Variants in INPPL1 observed in about 807,000 individuals in gnomAD.
INPPL1 encodes the protein phosphatidylinositol 3,4,5-trisphosphate 5-phosphatase 2.
INPPL1 carries 91 observed loss-of-function variants against 139.3 expected under a neutral mutation model. The observed-to-expected ratio is 0.65, with a 90% confidence interval of 0.55 to 0.78. The LOEUF (loss-of-function observed/expected upper bound fraction) is 0.78, where lower values mean the gene tolerates loss of function less well. Among genes scored for constraint, INPPL1 ranks in the 30% least tolerant of loss-of-function variants. The pLI, the probability that INPPL1 is intolerant of heterozygous loss-of-function variation, is 0.00. For synonymous variants in INPPL1, 719 were observed against 686.6 expected, an observed-to-expected ratio of 1.05 and a Z score of -0.74; for missense variants, 1,411 against 1,665.6, an observed-to-expected ratio of 0.85 and a Z score of 2.66.
chr11:72,233,379 G>C, intron 17 of INPPL1, 62 bp from the exon 18 acceptor site: 1 of 1,416,258 alleles, frequency 7.1e-7, no homozygotes, highest in Non-Finnish European at 1.0e-6. Context: ...CTCTGGAGTG[G>C]GGTCCATGCC....
chr11:72,223,815 C>G (rs1220048334), upstream of INPPL1: 1 of 150,116 alleles, frequency 6.7e-6, no homozygotes, highest in African/African-American at 2.4e-5. Context: ...TGAGGCGAGG[C>G]GCGGTGCTGC....
chr11:72,228,483 G>A lies in INPPL1; in HGVS notation c.382G>A (p.Asp128Asn), dbSNP rs1204286990. Residue 128 changes from aspartate (D) to asparagine (N), a missense_variant, in exon 3 of 28, where the codon GAC becomes AAC. Around this residue, in one of 5 missense-constraint regions of INPPL1, gnomAD observed 504 missense variants for 595.6 expected, o/e 0.85. Coordinates refer to ENST00000298229, the MANE Select transcript of INPPL1 (RefSeq NM_001567.4). The surrounding 1 kb of genome is among the most constrained non-coding windows in gnomAD (Gnocchi z 5.0). ...TGAGCGAGAGCCGGACCCACCGGAT[G>A]ACCGGGATGCCTCAGGTACTTCCCA... ...EGEREPDPPD[D>N]RDASDGEDEK... The A allele has an allele frequency of 3.7e-6, 6 of 1,607,680 alleles. No individual in the cohort carries two copies. The highest frequency in any genetic ancestry group is 4.2e-6 in the Non-Finnish European group (5 of 1,179,970).
In INPPL1 at chr11:72,229,938, A is replaced by T. The variant is rs898023932; in HGVS notation, c.858A>T (p.Leu286=). 4 of 1,613,906 alleles carry T rather than the reference A, an allele frequency of 2.5e-6. No individual in the cohort carries two copies. Among genetic ancestry groups the T allele is most frequent in the Non-Finnish European group, 2.5e-6 (3 of 1,179,988 alleles). The stretch of plus-strand genomic sequence containing the variant: ...GTTCCCTCCAGGCCCTGAAGGCCCT[A>T]CAGGACATGAGCTCCACAGCACCCC... The part of the protein sequence containing the change: ...SGIQKKALKA[L]QDMSSTAPPA... The change falls in exon 8 of 28, where the codon CTA becomes CTT. Residue 286 remains leucine (L), a synonymous_variant. Coordinates refer to ENST00000298229, the MANE Select transcript of INPPL1 (RefSeq NM_001567.4).
In INPPL1 at chr11:72,228,152, C is replaced by T. The variant is rs376142455; in HGVS notation, c.183-38C>T. On this transcript the variant is annotated intron_variant, in intron 1 of 27. Coordinates refer to ENST00000298229, the MANE Select transcript of INPPL1 (RefSeq NM_001567.4). This position sits in a 1 kb window ranked among gnomAD's most constrained non-coding sequence, Gnocchi z 5.0. ...GGGTGCTTTGGGTCTTAGACCCCAG[C>T]CTGGGGGTGACAGATTCTGGCCCTG... 22 of 1,610,570 alleles carry T rather than the reference C, an allele frequency of 1.4e-5. No homozygotes were observed. Among genetic ancestry groups the T allele is most frequent in the Admixed American group, 6.7e-5 (4 of 60,016 alleles).
rs778129558 is a variant in INPPL1, at chr11:72,232,248, G to A, written c.1624G>A (p.Gly542Arg). Residue 542 changes from glycine (G) to arginine (R), a missense_variant, in exon 14 of 28, where the codon GGG (glycine) becomes AGG (arginine). This residue lies in a region of INPPL1 where 363 missense variants were observed against 446.2 expected (regional missense o/e 0.81). Coordinates refer to ENST00000298229, the MANE Select transcript of INPPL1 (RefSeq NM_001567.4). ...TGIANTLGNK[G>R]AVGVSFMFNG... is the part of the protein sequence containing the mutation. ...CTTGCTTGCCTTAACAGGGAACAAG[G>A]GGGCTGTGGGCGTCTCCTTCATGTT... 6.4e-7 allele frequency: 1 copy of A among 1,555,208 alleles called. No individual in the cohort carries two copies. Among genetic ancestry groups the A allele is most frequent in the South Asian group, 1.2e-5 (1 of 84,244 alleles).
chr11:72,229,667 T>C lies in INPPL1; in HGVS notation c.758T>C (p.Leu253Pro). The C allele has an allele frequency of 6.2e-7, 1 of 1,614,058 alleles. No individual in the cohort carries two copies. The highest frequency in any genetic ancestry group is 8.5e-7 in the Non-Finnish European group (1 of 1,179,976). ...CCTGGTTCTTCCTCCCCCCAGAACCTGCCACAGACAGGGGAGCAGGAACTA... is the reference window on the plus strand; with the variant it reads ...CCTGGTTCTTCCTCCCCCCAGAACCCGCCACAGACAGGGGAGCAGGAACTA... ...MVTRLLQQQN[L>P]PQTGEQELES... The change falls in exon 7 of 28, where the codon CTG becomes CCG. Residue 253 changes from leucine to proline, a missense_variant. Coordinates refer to ENST00000298229, the MANE Select transcript of INPPL1 (RefSeq NM_001567.4).
intron 25 of INPPL1, 132 bp from the exon 26 acceptor site, chr11:72,236,992 T>C (rs1949004421): frequency 1.4e-6 from 1 of 712,068 alleles, no homozygotes; most frequent in African/African-American, 1.8e-5. Context: ...GGGCAGGTGA[T>C]GTGCTCAAGG....
rs1375254938 is a variant in INPPL1 at position 72,235,887 on chromosome 11, C to T, written c.2780C>T (p.Pro927Leu). 5.6e-6 allele frequency: 9 copies of T among 1,613,332 alleles called. No homozygotes were observed. Among genetic ancestry groups the T allele is most frequent in the East Asian group, 2.2e-5 (1 of 44,886 alleles). Residue 927 changes from proline (P) to leucine (L), a missense_variant, in exon 25 of 28, where the codon CCG becomes CTG. Coordinates refer to ENST00000298229, the MANE Select transcript of INPPL1 (RefSeq NM_001567.4). The surrounding 1 kb of genome is among the most constrained non-coding windows in gnomAD (Gnocchi z 4.9). ...CCAGCCTTCACAGAGGCCTCCTGCC[C>T]GCTCTCCAGGTTATTTGAAGAACCA... ...RKPAFTEASC[P>L]LSRLFEEPEK...
Position 72,225,169 on chromosome 11 carries a change from G to GA in INPPL1, c.182+4dup. The GA allele has an allele frequency of 8.1e-7, 1 of 1,230,602 alleles. No individual in the cohort carries two copies. The highest frequency in any genetic ancestry group is 1.0e-6 in the Non-Finnish European group (1 of 986,834). The allele number at this position is 1,230,602 out of a possible 1,614,324, so 76.2% of individuals were successfully genotyped here. ...GGGGCCTTCGCGCTCTGCGTCCTGTGAGTGGGGCGGGGGCTCCTTGCGGGC... is the reference window on the plus strand; with the variant it reads ...GGGGCCTTCGCGCTCTGCGTCCTGTGAAGTGGGGCGGGGGCTCCTTGCGGGC... On this transcript the variant is annotated splice_donor_region_variant and intron_variant, in intron 1 of 27. Coordinates refer to ENST00000298229, the MANE Select transcript of INPPL1 (RefSeq NM_001567.4).
Position 72,229,645 on chromosome 11 carries a change from G to C in INPPL1, c.754-18G>C. 1 of 1,613,584 alleles carries C rather than the reference G, an allele frequency of 6.2e-7. No individual in the cohort carries two copies. Among genetic ancestry groups the C allele is most frequent in the Middle Eastern group, 1.7e-4 (1 of 6,060 alleles). On this transcript the variant is annotated intron_variant, in intron 6 of 27. Coordinates refer to ENST00000298229, the MANE Select transcript of INPPL1 (RefSeq NM_001567.4). ...GCTTAGGTGACTCATGTACAAGCCT[G>C]GTTCTTCCTCCCCCCAGAACCTGCC...
chr11:72,227,073 A>G (rs1479886900), intron 1 of INPPL1, among the ~76,000 whole-genome samples: 1 of 152,160 alleles, frequency 6.6e-6, no homozygotes, highest in Non-Finnish European at 1.5e-5. Flanking sequence ...CCAAATACAC[A>G]CATACTTGCT....
At position 72,233,163 on chromosome 11, in the gene INPPL1, G is replaced by C. The variant is rs1268333785; in HGVS notation, c.2040G>C (p.Gly680=). ...CCTGGCACAAGCAGAAGCCAACTGG[G>C]GTGAGCCAAGAAAACGGCATGGGCC... is the stretch of plus-strand genomic sequence containing the variant. The part of the protein sequence containing the change: ...TYAWHKQKPT[G]VRTNVPSWCD... Residue 680 remains glycine, a splice_region_variant and synonymous_variant, in exon 17 of 28, where the codon GGG becomes GGC. Transcript: ENST00000298229. 2 of 1,613,286 alleles carry C rather than the reference G, an allele frequency of 1.2e-6. No individual in the cohort carries two copies. The highest frequency in any genetic ancestry group is 1.1e-5 in the South Asian group (1 of 91,010).
At chr11:72,233,014 A>G (rs1948879032) in intron 16 of INPPL1, 40 bp downstream of exon 16, 2 of 1,610,574 alleles carry the variant, frequency 1.2e-6, no homozygotes, top group East Asian at 4.5e-5. Flanking sequence ...GAGGGCTAGG[A>G]GACTTGCAGT....
rs1948728044 is a variant in INPPL1, at chr11:72,228,221, C to T, written c.214C>T (p.Leu72=). The T allele has an allele frequency of 6.2e-7, 1 of 1,614,016 alleles. No homozygotes were observed. Among genetic ancestry groups the T allele is most frequent in the Non-Finnish European group, 8.5e-7 (1 of 1,180,002 alleles). Residue 72 remains leucine, a synonymous_variant, in exon 2 of 28, where the codon CTG becomes TTG. Transcript: ENST00000298229. The surrounding 1 kb of genome is among the most constrained non-coding windows in gnomAD (Gnocchi z 5.0). ...GAAGCATGTGCACACGTATCGCATT[C>T]TGCCTGATGGAGAAGATTTCTTGGC... ...YQKHVHTYRI[L]PDGEDFLAVQ...
intron 25 of INPPL1, 36 bp from the exon 26 acceptor site, chr11:72,237,088 T>G (rs762079878): frequency 2.0e-6 from 3 of 1,536,446 alleles, no homozygotes; most frequent in Non-Finnish European, 2.6e-6. Context: ...CCTGGGTTCC[T>G]GGATCCTGGC....
At chr11:72,229,293 C>G (rs181415648) in intron 5 of INPPL1, 63 bp downstream of exon 5, 3 of 1,517,686 alleles carry the variant, frequency 2.0e-6, no homozygotes, top group Admixed American at 1.8e-5. Context: ...CACCTGCTTC[C>G]CGGCTGCACA....
At chr11:72,230,739 G>A in intron 10 of INPPL1, 57 bp from the exon 11 acceptor site, 1 of 1,465,408 alleles carries the variant, frequency 6.8e-7, no homozygotes, top group South Asian at 1.2e-5. Context: ...GGGTATCCCT[G>A]TGGACGGGGG....
chr11:72,234,308 A>G lies in INPPL1; in HGVS notation c.2240A>G (p.Tyr747Cys), dbSNP rs1291442373. 2 of 1,614,042 alleles carry G rather than the reference A, an allele frequency of 1.2e-6. No individual in the cohort carries two copies. The highest frequency in any genetic ancestry group is 1.7e-6 in the Non-Finnish European group (2 of 1,179,926). Residue 747 changes from tyrosine (Y) to cysteine (C), a missense_variant, in exon 20 of 28, where the codon TAC (tyrosine) becomes TGC (cysteine). By Grantham distance (194) the Tyr-to-Cys change is radical. Around this residue, in one of 5 missense-constraint regions of INPPL1, gnomAD observed 363 missense variants for 446.2 expected, o/e 0.81. Coordinates refer to ENST00000298229, the MANE Select transcript of INPPL1 (RefSeq NM_001567.4). The surrounding 1 kb of genome is among the most constrained non-coding windows in gnomAD (Gnocchi z 4.2). ...CTCTCAAAGACTTCAGACCAGGCCT[A>G]CATTGAGTTTGAGAGCATCGAGGCC... ...KGLSKTSDQA[Y>C]IEFESIEAIV...
At chr11:72,226,741 C>T (rs563033155) in intron 1 of INPPL1, among the ~76,000 whole-genome samples, 4 of 152,280 alleles carry the variant, frequency 2.6e-5, no homozygotes, top group African/African-American at 4.8e-5. Flanking sequence ...ACAGACTAGG[C>T]AGATGAATAT....
Sources: gnomAD v4.1 joint callset for allele counts (sites outside exome capture counted in the v4.1 genomes callset) on GRCh38, gnomAD v4.1.1 for gene constraint, gnomAD v4.1.1 regional missense constraint, Gnocchi (gnomAD v3.1) non-coding constraint, MANE v1.5 for transcripts, NCBI Gene and HGNC (gene_info 2026-07-23, HGNC 2026-07-21) for gene names.